Variants in SLC43A1 observed in about 807,000 individuals in gnomAD.
The protein encoded by SLC43A1 is solute carrier family 43 member 1, also known as large neutral amino acids transporter small subunit 3.
A neutral mutation model predicts 59.5 loss-of-function variants in SLC43A1; 31 were observed. The ratio of observed to expected loss-of-function variants is 0.52; its 90% CI spans 0.39 to 0.70. SLC43A1 has a LOEUF of 0.70. Ranked by LOEUF, SLC43A1 falls within the 30% of genes least tolerant of loss-of-function variation. The pLI, the probability that SLC43A1 is intolerant of heterozygous loss-of-function variation, is 0.00. For synonymous variants in SLC43A1, 259 were observed against 290.9 expected, an observed-to-expected ratio of 0.89 and a Z score of 1.12; for missense variants, 598 against 717.8, an observed-to-expected ratio of 0.83 and a Z score of 1.91.
chr11:57,513,893 T>G, intron 2 of SLC43A1, 65 bp downstream of exon 2: 1 of 1,352,522 alleles, frequency 7.4e-7, no homozygotes, highest in Non-Finnish European at 1.0e-6. Flanking sequence ...CCTAACCTTT[T>G]CTGGCTTCCA....
In SLC43A1 at chr11:57,514,941, A is replaced by G. The variant is rs1040287380; in HGVS notation, c.-14+503T>C. 1 of 969,832 alleles carries G rather than the reference A, an allele frequency of 1.0e-6. No homozygotes were observed. The highest frequency in any genetic ancestry group is 1.2e-6 in the Non-Finnish European group (1 of 815,988). 60.1% of individuals were successfully genotyped at this position (969,832 alleles called of 1,614,324 possible). ...GCGGGCGGGTGTGTTTACCAAAGGG[A>G]GGGAAAGAGCCCCAGCTCCCCCCGC... On this transcript the variant is annotated intron_variant, in intron 1 of 14. Coordinates refer to ENST00000278426, the MANE Select transcript of SLC43A1 (RefSeq NM_003627.6). The surrounding 1 kb of genome is among the most constrained non-coding windows in gnomAD (Gnocchi z 5.5).
rs747621249 is a variant in SLC43A1 at position 57,501,219 on chromosome 11, C to T, written c.265G>A (p.Ala89Thr). Residue 89 changes from alanine to threonine, a missense_variant, in exon 3 of 15, where the codon GCC becomes ACC. Coordinates refer to ENST00000278426, the MANE Select transcript of SLC43A1 (RefSeq NM_003627.6). ...GFTIGSFVLSATTLPLGILMD... is the reference protein window; with the variant it reads ...GFTIGSFVLSTTTLPLGILMD... ...AGGATCCCCAGTGGCAGGGTGGTGGCGCTGAGCACGAAGGAACCAATGGTG... is the reference window on the plus strand; with the variant it reads ...AGGATCCCCAGTGGCAGGGTGGTGGTGCTGAGCACGAAGGAACCAATGGTG... The T allele has an allele frequency of 3.7e-6, 6 of 1,612,230 alleles. No homozygotes were observed. The highest frequency in any genetic ancestry group is 4.5e-5 in the East Asian group (2 of 44,888).
At chr11:57,512,644 A>G (rs1398834600) in intron 2 of SLC43A1, among the ~76,000 whole-genome samples, 1 of 151,760 alleles carries the variant, frequency 6.6e-6, no homozygotes, top group East Asian at 1.9e-4. Context: ...CTTAGATGCC[A>G]TGTGGGTCCC....
At chr11:57,490,147 G>C (rs1410864643) in intron 11 of SLC43A1, among the ~76,000 whole-genome samples, 1 of 152,148 alleles carries the variant, frequency 6.6e-6, no homozygotes, top group Non-Finnish European at 1.5e-5. Context: ...CACAAAAAGA[G>C]CAAAAGCAGT....
chr11:57,509,738 G>A (rs1187435249), intron 2 of SLC43A1, among the ~76,000 whole-genome samples: 1 of 151,302 alleles, frequency 6.6e-6, no homozygotes, highest in Non-Finnish European at 1.5e-5. Context: ...AGGAAGGAAG[G>A]AAGGAAGGAA....
intron 2 of SLC43A1, among the ~76,000 whole-genome samples, chr11:57,502,259 G>T (rs1052283792): frequency 3.9e-5 from 6 of 152,266 alleles, no homozygotes; most frequent in Admixed American, 2.6e-4. Flanking sequence ...GGTGCACCTG[G>T]AGCAGGCAGA....
At position 57,495,929 on chromosome 11, in the gene SLC43A1, G is replaced by T. The variant is rs530916820; in HGVS notation, c.692+102C>A. ...GGCTCAAGCGATTTGCCAAGCAGAG[G>T]TCCAAGCCGAGGTCTCTCTGAATCC... On this transcript the variant is annotated intron_variant, in intron 7 of 14. Coordinates refer to ENST00000278426, the MANE Select transcript of SLC43A1 (RefSeq NM_003627.6). The T allele has an allele frequency of 2.0e-5, 27 of 1,362,404 alleles. No individual in the cohort carries two copies. The South Asian group carries it at 2.4e-4, about 12-fold the overall frequency. The allele number at this position is 1,362,404 out of a possible 1,614,324, so 84.4% of individuals were successfully genotyped here. A position where few individuals can be genotyped will look rare whatever the true frequency, so the allele number is the denominator to read the frequency against.
chr11:57,487,143 C>T lies in SLC43A1; in HGVS notation c.1485G>A (p.Gln495=). The change falls in exon 14 of 15, where the codon CAG becomes CAA. Residue 495 remains glutamine (Q), a synonymous_variant. Coordinates refer to ENST00000278426, the MANE Select transcript of SLC43A1 (RefSeq NM_003627.6). ...LISAVFALLQ[Q]PLFMAMVGPL... Reference sequence around the variant, plus strand: ...GTCCCACCATCGCCATGAAAAGTGGCTGCTGAAGCAAGGCGAACACAGCAC... The same window carrying T: ...GTCCCACCATCGCCATGAAAAGTGGTTGCTGAAGCAAGGCGAACACAGCAC... The T allele has an allele frequency of 1.2e-6, 2 of 1,614,108 alleles. No homozygotes were observed. The highest frequency in any genetic ancestry group is 1.7e-6 in the Non-Finnish European group (2 of 1,179,968).
intron 5 of SLC43A1, 82 bp from the exon 6 acceptor site, chr11:57,497,927 C>T (rs2581922): frequency 0.77 from 747,897 of 977,534 alleles, 287,199 homozygotes; most frequent in East Asian, 0.87. Flanking sequence ...ATACAATAGC[C>T]CCAGGAGACG....
intron 2 of SLC43A1, among the ~76,000 whole-genome samples, chr11:57,508,773 G>C (rs1231595144): frequency 2.6e-5 from 4 of 152,038 alleles, no homozygotes; most frequent in Non-Finnish European, 4.4e-5. Flanking sequence ...CTAGCTGACA[G>C]AGTGAGACCC....
chr11:57,504,371 A>T (rs539108864), intron 2 of SLC43A1, among the ~76,000 whole-genome samples: 1 of 152,230 alleles, frequency 6.6e-6, no homozygotes, highest in Admixed American at 6.5e-5. Context: ...TTATTAGCAA[A>T]TGCCTGGCCT....
chr11:57,488,486 T>C (rs575873932), intron 13 of SLC43A1, among the ~76,000 whole-genome samples: 2 of 152,202 alleles, frequency 1.3e-5, no homozygotes, highest in African/African-American at 4.8e-5. Context: ...ATCATTATTG[T>C]AATGTCCTGT....
intron 2 of SLC43A1, among the ~76,000 whole-genome samples, chr11:57,508,005 G>A (rs1280928262): frequency 2.0e-5 from 3 of 152,142 alleles, no homozygotes; most frequent in Non-Finnish European, 2.9e-5. Flanking sequence ...GGTGGCTCAC[G>A]CCTGTAATCC....
intron 13 of SLC43A1, 43 bp downstream of exon 13, chr11:57,488,873 C>T (rs371778269): frequency 1.7e-5 from 26 of 1,539,838 alleles, no homozygotes; most frequent in African/African-American, 8.2e-5. Flanking sequence ...TCTCTGATCA[C>T]GGTTGCAAAG....
chr11:57,510,566 C>T (rs1041373285), intron 2 of SLC43A1, among the ~76,000 whole-genome samples: 3 of 151,542 alleles, frequency 2.0e-5, no homozygotes, highest in Non-Finnish European at 4.4e-5. Context: ...ATAGGCTGGT[C>T]CCAGTGCAGT....
rs1008983372 is a variant in SLC43A1 at position 57,497,683 on chromosome 11, T to C, written c.558+70A>G. ...AGAAGTCAGACCCGTGGGTCAGCAC[T>C]AGCTGCTGCTCACTCGGCCCCACCC... On this transcript the variant is annotated intron_variant, in intron 6 of 14. Transcript: ENST00000278426. 22 of 1,193,802 alleles carry C rather than the reference T, an allele frequency of 1.8e-5. No homozygotes were observed. In the East Asian group the frequency reaches 5.0e-4, roughly 27 times the overall value. 74.0% of individuals were successfully genotyped at this position (1,193,802 alleles called of 1,614,324 possible).
rs1003755154 is a variant in SLC43A1, at chr11:57,514,227, G to T, written c.-13-103C>A. Reference sequence around the variant, plus strand: ...GACCTCTCGGGCCAGCCCGCGAGGAGCCCCTCATGGAGGCCCCATAGAGCC... The same window carrying T: ...GACCTCTCGGGCCAGCCCGCGAGGATCCCCTCATGGAGGCCCCATAGAGCC... On this transcript the variant is annotated intron_variant, in intron 1 of 14. Transcript: ENST00000278426. This position sits in a 1 kb window ranked among gnomAD's most constrained non-coding sequence, Gnocchi z 5.5. 1 of 1,349,676 alleles carries T rather than the reference G, an allele frequency of 7.4e-7. No homozygotes were observed. The highest frequency in any genetic ancestry group is 9.8e-7 in the Non-Finnish European group (1 of 1,020,118). The allele number at this position is 1,349,676 out of a possible 1,614,324, so 83.6% of individuals were successfully genotyped here.
intron 2 of SLC43A1, among the ~76,000 whole-genome samples, chr11:57,509,922 G>A (rs1245230300): frequency 6.6e-6 from 1 of 152,004 alleles, no homozygotes; most frequent in Admixed American, 6.6e-5. Context: ...AATAATGGAA[G>A]GAAAATTTTT....
intron 2 of SLC43A1, among the ~76,000 whole-genome samples, chr11:57,508,931 A>G (rs1944458403): frequency 6.6e-6 from 1 of 152,082 alleles, no homozygotes; most frequent in Non-Finnish European, 1.5e-5. Flanking sequence ...AGCCTGGCCA[A>G]CAGGTGAAAC....
Sources: gnomAD v4.1 joint callset for allele counts (sites outside exome capture counted in the v4.1 genomes callset) on GRCh38, gnomAD v4.1.1 for gene constraint, Gnocchi (gnomAD v3.1) non-coding constraint, MANE v1.5 for transcripts, NCBI Gene and HGNC (gene_info 2026-07-23, HGNC 2026-07-21) for gene names.